The following DUSP14 variants were observed in gnomAD, a reference collection of about 807,000 sequenced individuals.
DUSP14 encodes dual specificity protein phosphatase 14.
DUSP14 carries 5 observed loss-of-function variants against 13.2 expected under a neutral mutation model. That is an observed-to-expected ratio of 0.38 (90% confidence interval 0.20 to 0.80). The LOEUF (loss-of-function observed/expected upper bound fraction) is 0.80, where lower values mean the gene tolerates loss of function less well. Among genes scored for constraint, DUSP14 ranks in the 30% least tolerant of loss-of-function variants. DUSP14 has a pLI of 0.44. For synonymous variants in DUSP14, 91 were observed against 103.4 expected, an observed-to-expected ratio of 0.88 and a Z score of 0.73; for missense variants, 185 against 264.0, an observed-to-expected ratio of 0.70 and a Z score of 2.07.
At chr17:37,489,431 G>A (rs926107326), upstream of DUSP14, among the ~76,000 whole-genome samples, 7 of 152,274 alleles carry the variant, frequency 4.6e-5, no homozygotes, top group South Asian at 1.2e-3. Flanking sequence ...CGGGCTCTCC[G>A]GGCTAGGGAG....
intron 1 of DUSP14, among the ~76,000 whole-genome samples, chr17:37,493,106 T>C (rs974546218): frequency 1.3e-5 from 2 of 152,158 alleles, no homozygotes; most frequent in Non-Finnish European, 2.9e-5. Context: ...TTTATCCATA[T>C]CGTTGCCTAT....
In DUSP14 at chr17:37,512,902, G is replaced by A. The variant is rs998138264; in HGVS notation, c.*33G>A. 2 of 1,557,786 alleles carry A rather than the reference G, an allele frequency of 1.3e-6. No individual in the cohort carries two copies. Among genetic ancestry groups the A allele is most frequent in the African/African-American group, 1.4e-5 (1 of 73,466 alleles). On this transcript the variant is annotated 3_prime_UTR_variant, in exon 3 of 3. Transcript: ENST00000617516. This position sits in a 1 kb window ranked among gnomAD's most constrained non-coding sequence, Gnocchi z 4.8. ...GAAGCCTGCGTCAGCAGCCCGAGCG[G>A]GGCCGGCATCTGCTCCCCGCCGTCT... is the stretch of plus-strand genomic sequence containing the variant.
intron 1 of DUSP14, among the ~76,000 whole-genome samples, chr17:37,496,552 G>A (rs373806148): frequency 7.9e-5 from 12 of 152,168 alleles, no homozygotes; most frequent in Admixed American, 3.9e-4. Flanking sequence ...TCCGGAGTTC[G>A]AAACCAGCCT....
intron 1 of DUSP14, among the ~76,000 whole-genome samples, chr17:37,501,801 G>A (rs576108959): frequency 9.9e-5 from 15 of 152,278 alleles, no homozygotes; most frequent in Admixed American, 2.6e-4. Flanking sequence ...ATAGGCATGA[G>A]CCACCGTGCC....
chr17:37,509,297 A>T (rs1290257264), intron 1 of DUSP14, among the ~76,000 whole-genome samples: 13 of 26,726 alleles, frequency 4.9e-4, no homozygotes, highest in Non-Finnish European at 7.1e-4. Flanking sequence ...ATATATATAT[A>T]GTGTGTGTGT....
At chr17:37,511,686 C>T (rs2054187313) in intron 2 of DUSP14, among the ~76,000 whole-genome samples, 1 of 149,462 alleles carries the variant, frequency 6.7e-6, no homozygotes, top group Non-Finnish European at 1.5e-5. Flanking sequence ...CTCCCAGGCT[C>T]AAGTGATCTG....
chr17:37,508,163 G>A (rs765917688), intron 1 of DUSP14, among the ~76,000 whole-genome samples: 15 of 152,268 alleles, frequency 9.9e-5, no homozygotes, highest in Non-Finnish European at 5.9e-5. Context: ...GAGAAGGGCA[G>A]TGTCCAGGAG....
chr17:37,509,238 ACACAC>A (rs1165227680), intron 1 of DUSP14, among the ~76,000 whole-genome samples: 1,081 of 71,026 alleles, frequency 0.015, 59 homozygotes, highest in African/African-American at 0.059. Context: ...CACACTATAT[ACACAC>A]TATATATATA....
intron 1 of DUSP14, among the ~76,000 whole-genome samples, chr17:37,507,008 G>A (rs1374912216): frequency 2.0e-5 from 3 of 152,238 alleles, no homozygotes; most frequent in Non-Finnish European, 4.4e-5. Context: ...ACACAGCCAC[G>A]ATTTAGTCAC....
At chr17:37,504,933 C>T (rs2054128374) in intron 1 of DUSP14, among the ~76,000 whole-genome samples, 2 of 151,924 alleles carry the variant, frequency 1.3e-5, no homozygotes, top group Admixed American at 6.6e-5. Context: ...GCTCTGTTAA[C>T]CAGGCTGGAG....
chr17:37,492,992 C>T (rs1170454564), intron 1 of DUSP14, among the ~76,000 whole-genome samples: 2 of 150,330 alleles, frequency 1.3e-5, no homozygotes, highest in Non-Finnish European at 3.0e-5. Context: ...TGGCCGGCAT[C>T]GTGTGTGTGT....
upstream of DUSP14, among the ~76,000 whole-genome samples, chr17:37,489,403 C>T (rs967643096): frequency 2.6e-5 from 4 of 152,190 alleles, no homozygotes; most frequent in Admixed American, 1.3e-4. Flanking sequence ...TTTCCCTTCG[C>T]TCTTGGGTCC....
chr17:37,511,938 C>CGGTTTTTTTTTTTTTTTTT (rs1568206074), intron 2 of DUSP14, among the ~76,000 whole-genome samples: 3 of 38,254 alleles, frequency 7.8e-5, no homozygotes, highest in African/African-American at 1.0e-4. Context: ...CCCCACCCCA[C>CGGTTTTTTTTTTTTTTTTT]TTTTTTTTTT....
At position 37,501,611 on chromosome 17, in the gene DUSP14, G is replaced by A. The variant is rs531592182; in HGVS notation, c.-180-9066G>A. ...GCTCACTGCAACCTCCACCTCCTGG[G>A]TTCAAGTGATTCTCCTGCCTCAGCC... On this transcript the variant is annotated intron_variant, in intron 1 of 2. Coordinates refer to ENST00000617516, the MANE Select transcript of DUSP14 (RefSeq NM_007026.4). Among the ~76,000 whole-genome samples the A allele has an allele frequency of 9.2e-5, 14 of 152,116 alleles. No homozygotes were observed. The South Asian group carries it at 1.9e-3, about 20-fold the overall frequency.
intron 1 of DUSP14, among the ~76,000 whole-genome samples, chr17:37,494,383 A>T (rs1250705179): frequency 6.6e-6 from 1 of 151,934 alleles, no homozygotes; most frequent in African/African-American, 2.4e-5. Context: ...GTTTTTGTTC[A>T]TTTTCTTTGT....
chr17:37,511,130 A>G (rs543356627), intron 2 of DUSP14, among the ~76,000 whole-genome samples: 32 of 152,260 alleles, frequency 2.1e-4, no homozygotes, highest in Middle Eastern at 3.4e-3. Flanking sequence ...AGGTGAAGTT[A>G]TTTAGCCACA....
chr17:37,498,784 T>G (rs947960056), intron 1 of DUSP14, among the ~76,000 whole-genome samples: 51 of 152,060 alleles, frequency 3.4e-4, no homozygotes, highest in African/African-American at 1.2e-3. Context: ...CTCTTAATAA[T>G]ATTTTTAGAT....
At chr17:37,502,723 G>T (rs1161375450) in intron 1 of DUSP14, among the ~76,000 whole-genome samples, 1 of 152,062 alleles carries the variant, frequency 6.6e-6, no homozygotes, top group African/African-American at 2.4e-5. Context: ...AACACCCATG[G>T]CCTCTCCGTG....
upstream of DUSP14, among the ~76,000 whole-genome samples, chr17:37,489,674 G>A (rs994764270): frequency 6.6e-6 from 1 of 151,800 alleles, no homozygotes; most frequent in African/African-American, 2.4e-5. Flanking sequence ...GCGCTCTAGG[G>A]GAGGCTGCTG....
Sources: gnomAD v4.1 joint callset for allele counts (sites outside exome capture counted in the v4.1 genomes callset) on GRCh38, gnomAD v4.1.1 for gene constraint, Gnocchi (gnomAD v3.1) non-coding constraint, MANE v1.5 for transcripts, NCBI Gene and HGNC (gene_info 2026-07-23, HGNC 2026-07-21) for gene names.